The following RARB variants were observed in gnomAD, a reference collection of about 807,000 sequenced individuals.
The protein encoded by RARB is retinoic acid receptor beta, also known as HBV-activated protein.
In RARB, 17 loss-of-function variants were observed where a neutral mutation model predicts 51.9. The ratio of observed to expected loss-of-function variants is 0.33; its 90% CI spans 0.22 to 0.49. The LOEUF is 0.49. Ranked by LOEUF, RARB falls within the 20% of genes least tolerant of loss-of-function variation. RARB has a pLI of 0.99. For synonymous variants in RARB, 215 were observed against 195.4 expected (o/e 1.10, Z -0.84); for missense variants, 369 against 550.8 (o/e 0.67, Z 3.30).
chr3:25,384,408 G>A (rs1706733029), intron 5 of RARB, among the ~76,000 whole-genome samples: 1 of 152,150 alleles, frequency 6.6e-6, no homozygotes, highest in Non-Finnish European at 1.5e-5. Context: ...AACAATGAGA[G>A]TTGTCCTCTA....
intron 2 of RARB, among the ~76,000 whole-genome samples, chr3:24,909,568 T>G (rs1419783998): frequency 6.6e-6 from 1 of 152,084 alleles, no homozygotes; most frequent in Non-Finnish European, 1.5e-5. Flanking sequence ...TTCATCTTTT[T>G]TTTTTTTTTT....
intron 2 of RARB, among the ~76,000 whole-genome samples, chr3:24,905,510 A>G (rs977467487): frequency 1.3e-5 from 2 of 152,308 alleles, no homozygotes; most frequent in East Asian, 3.9e-4. Flanking sequence ...TGTCCACATG[A>G]CACAGTTCTG....
At chr3:25,380,375 A>G (rs1706589716) in intron 5 of RARB, among the ~76,000 whole-genome samples, 2 of 152,328 alleles carry the variant, frequency 1.3e-5, no homozygotes, top group African/African-American at 4.8e-5. Flanking sequence ...ACTGGCCTCC[A>G]GAGTGACCCC....
At chr3:24,939,834 C>A in intron 2 of RARB, among the ~76,000 whole-genome samples, 1 of 152,196 alleles carries the variant, frequency 6.6e-6, no homozygotes, top group Admixed American at 6.5e-5. Flanking sequence ...CTTATGTAAT[C>A]ATACATGAAC....
chr3:25,328,612 GA>G (rs1704797579), intron 5 of RARB, among the ~76,000 whole-genome samples: 1 of 152,186 alleles, frequency 6.6e-6, no homozygotes, highest in Non-Finnish European at 1.5e-5. Context: ...CAGCATGAGC[GA>G]CACAGAAGAC....
intron 2 of RARB, among the ~76,000 whole-genome samples, chr3:24,993,097 C>T (rs1368039210): frequency 6.6e-6 from 1 of 151,972 alleles, no homozygotes; most frequent in Non-Finnish European, 1.5e-5. Context: ...ATGGATATTT[C>T]CAGTTAAATA....
Position 24,932,392 on chromosome 3 carries a change from C to T in RARB, c.-380+73640C>T, listed in dbSNP as rs530919848. The stretch of plus-strand genomic sequence containing the variant: ...GTCCCTTAGACTTAGATGTTTGCAA[C>T]AGCTCTCGTTTGTGTAGGGACATCT... On this transcript the variant is annotated intron_variant, in intron 2 of 11. Transcript: ENST00000383772. Among the ~76,000 whole-genome samples, 173 of 152,222 alleles carry T rather than the reference C, an allele frequency of 1.1e-3. 1 individual carries two copies. The highest frequency in any genetic ancestry group is 4.0e-3 in the African/African-American group (166 of 41,560).
chr3:24,984,130 C>A (rs983716450), intron 2 of RARB, among the ~76,000 whole-genome samples: 1 of 152,112 alleles, frequency 6.6e-6, no homozygotes, highest in Admixed American at 6.6e-5. Context: ...TCAAGTAATT[C>A]TTTCCTGAAA....
chr3:24,922,646 T>G (rs941368782), intron 2 of RARB, among the ~76,000 whole-genome samples: 4 of 151,892 alleles, frequency 2.6e-5, no homozygotes, highest in African/African-American at 9.7e-5. Flanking sequence ...GCCTCATGGG[T>G]GGTAGAAAAA....
chr3:25,422,948 T>C (rs1361013553), intron 5 of RARB, among the ~76,000 whole-genome samples: 1 of 152,220 alleles, frequency 6.6e-6, no homozygotes, highest in Non-Finnish European at 1.5e-5. Flanking sequence ...TCAGTTTTTG[T>C]AAATTAAGTT....
chr3:25,305,798 A>G (rs1002936117), intron 5 of RARB, among the ~76,000 whole-genome samples: 16 of 152,218 alleles, frequency 1.1e-4, no homozygotes, highest in African/African-American at 3.4e-4. Context: ...ATAAAAAATA[A>G]GGAAAAGGGA....
At chr3:25,197,512 C>T (rs1701274487) in intron 5 of RARB, among the ~76,000 whole-genome samples, 1 of 151,846 alleles carries the variant, frequency 6.6e-6, no homozygotes, top group Non-Finnish European at 1.5e-5. Flanking sequence ...ATCCTTGTTT[C>T]CAGATGACAT....
intron 5 of RARB, among the ~76,000 whole-genome samples, chr3:25,343,913 A>G (rs1400269517): frequency 6.6e-6 from 1 of 152,198 alleles, no homozygotes; most frequent in Non-Finnish European, 1.5e-5. Context: ...CAGCTCAGAA[A>G]AAGGGAAATT....
intron 2 of RARB, among the ~76,000 whole-genome samples, chr3:25,010,555 T>C (rs571135276): frequency 6.6e-6 from 1 of 152,138 alleles, no homozygotes; most frequent in Non-Finnish European, 1.5e-5. Context: ...CAGATTATTG[T>C]AGGGACTCAC....
At chr3:24,956,414 T>C (rs1047049305) in intron 2 of RARB, among the ~76,000 whole-genome samples, 15 of 152,232 alleles carry the variant, frequency 9.9e-5, no homozygotes, top group Non-Finnish European at 1.2e-4. Flanking sequence ...ACTGAACTCT[T>C]TGTAACCACC....
At chr3:24,936,431 C>T (rs12715064) in intron 2 of RARB, among the ~76,000 whole-genome samples, 71,080 of 151,902 alleles carry the variant, frequency 0.47, 17,219 homozygotes, top group African/African-American at 0.54. Context: ...GTATAGAGGA[C>T]TGAAATCCAG....
chr3:24,837,792 G>A (rs1702363200), intron 1 of RARB, among the ~76,000 whole-genome samples: 1 of 152,186 alleles, frequency 6.6e-6, no homozygotes. Context: ...AGTGATTGCT[G>A]TGAATGAAGC....
intron 3 of RARB, among the ~76,000 whole-genome samples, chr3:25,538,022 CTG>C (rs1344437690): frequency 6.6e-6 from 1 of 152,212 alleles, no homozygotes; most frequent in Non-Finnish European, 1.5e-5. Flanking sequence ...GATATTATCT[CTG>C]GAAGTTTTCA....
At chr3:25,079,658 A>G (rs1395267069) in intron 3 of RARB, among the ~76,000 whole-genome samples, 1 of 152,040 alleles carries the variant, frequency 6.6e-6, no homozygotes, top group African/African-American at 2.4e-5. Context: ...TTTCTTCTTT[A>G]CTCTGTTAAT....
Sources: gnomAD v4.1 joint callset for allele counts (sites outside exome capture counted in the v4.1 genomes callset) on GRCh38, gnomAD v4.1.1 for gene constraint, MANE v1.5 for transcripts, NCBI Gene and HGNC (gene_info 2026-07-23, HGNC 2026-07-21) for gene names.